Variants in CD82 observed in about 807,000 individuals in gnomAD.
CD82 encodes CD82 antigen.
CD82 carries 36 observed loss-of-function variants against 37.4 expected under a neutral mutation model. That is an observed-to-expected ratio of 0.96 (90% CI 0.74 to 1.27). CD82 has a LOEUF of 1.27. Ranked by LOEUF, CD82 falls within the 50% of genes most tolerant of loss-of-function variation. The pLI is 0.00. For missense variants in CD82, 340 were observed against 347.0 expected (o/e 0.98, Z 0.16); for synonymous variants, 158 against 137.4 (o/e 1.15, Z -1.05).
chr11:44,600,257 C>T (rs371613857), intron 4 of CD82, 27 bp downstream of exon 4: 1 of 1,609,754 alleles, frequency 6.2e-7, no homozygotes, highest in Non-Finnish European at 8.5e-7. Flanking sequence ...TTCCCCAGAC[C>T]CAGGCCCACT....
chr11:44,600,317 G>T, intron 4 of CD82, 87 bp downstream of exon 4: 1 of 1,249,256 alleles, frequency 8.0e-7, no homozygotes, highest in Non-Finnish European at 1.2e-6. Flanking sequence ...TAAGTGCTTC[G>T]GCTTCAATGC....
rs1220059854 is a variant in CD82, at chr11:44,597,746, G to A, written c.64-2412G>A. On this transcript the variant is annotated intron_variant, in intron 3 of 9. Transcript: ENST00000227155. The surrounding 1 kb of genome is among the most constrained non-coding windows in gnomAD (Gnocchi z 4.1). ...TGAATGTGGGAGGGAATGGGGCAGG[G>A]GCTCTGCCCACATGGGTCTGAGATG... 3.3e-5 allele frequency among the ~76,000 whole-genome samples: 5 copies of A among 152,230 alleles called. No homozygotes were observed. Among genetic ancestry groups the A allele is most frequent in the African/African-American group, 9.6e-5 (4 of 41,456 alleles).
chr11:44,596,417 G>A (rs894176946), intron 3 of CD82, among the ~76,000 whole-genome samples: 5 of 152,264 alleles, frequency 3.3e-5, no homozygotes, highest in Admixed American at 1.3e-4. Flanking sequence ...AGGAGATCAC[G>A]GAGCTTGGGT....
chr11:44,591,293 G>A (rs1448094600), intron 2 of CD82, among the ~76,000 whole-genome samples: 1 of 152,156 alleles, frequency 6.6e-6, no homozygotes, highest in Non-Finnish European at 1.5e-5. Context: ...CCTTGGGCAG[G>A]CTCCTTCTCC....
At chr11:44,594,290 C>T (rs1853188435) in intron 2 of CD82, among the ~76,000 whole-genome samples, 1 of 152,122 alleles carries the variant, frequency 6.6e-6, no homozygotes, top group Non-Finnish European at 1.5e-5. Flanking sequence ...TCACTAACTT[C>T]CCGGCCCCCT....
At chr11:44,593,148 G>C (rs1853169793) in intron 2 of CD82, among the ~76,000 whole-genome samples, 2 of 152,242 alleles carry the variant, frequency 1.3e-5, no homozygotes, top group Non-Finnish European at 2.9e-5. Context: ...TTGACAAGGA[G>C]GATGGAAGAT....
intron 1 of CD82, chr11:44,585,147 T>A (rs984813687): frequency 2.2e-6 from 1 of 455,246 alleles, no homozygotes; most frequent in African/African-American, 2.0e-5. Flanking sequence ...CCCCAGCCCC[T>A]TACCCAGGAG....
chr11:44,612,981 G>A (rs1565094793), intron 6 of CD82, among the ~76,000 whole-genome samples: 1 of 152,118 alleles, frequency 6.6e-6, no homozygotes. Flanking sequence ...AGCCAGGGCT[G>A]CAGGTCCATC....
rs377184005 is a variant in CD82, at chr11:44,619,034, C to T, written c.727-15C>T. 1.2e-4 allele frequency: 201 copies of T among 1,612,294 alleles called. 1 individual carries two copies. Among genetic ancestry groups the T allele is most frequent in the Middle Eastern group, 6.6e-4 (4 of 6,060 alleles). On this transcript the variant is annotated splice_polypyrimidine_tract_variant and intron_variant, in intron 9 of 9. Transcript: ENST00000227155. ...GACACCCAGCCTCCCTCTGACTCTC[C>T]GCCTCTCCCCACAGCTCCTGGGGAT... is the stretch of plus-strand genomic sequence containing the variant.
upstream of CD82, chr11:44,565,637 C>T (rs562398194): frequency 6.6e-6 from 1 of 151,044 alleles, no homozygotes; most frequent in Non-Finnish European, 1.5e-5. Flanking sequence ...GGGAGGGGGC[C>T]GAGGAGTGAC....
chr11:44,611,163 G>A (rs1853475525), intron 6 of CD82, among the ~76,000 whole-genome samples: 2 of 152,130 alleles, frequency 1.3e-5, no homozygotes, highest in South Asian at 4.1e-4. Context: ...TAAACAAGGG[G>A]CCCTGCATTT....
chr11:44,600,835 C>G (rs2134666733), intron 4 of CD82, among the ~76,000 whole-genome samples: 1 of 152,352 alleles, frequency 6.6e-6, no homozygotes, highest in Middle Eastern at 3.4e-3. Flanking sequence ...AATGAAGAAA[C>G]AGAGGCTCAG....
intron 8 of CD82, 60 bp downstream of exon 8, chr11:44,618,425 T>C: frequency 6.9e-7 from 1 of 1,446,272 alleles, no homozygotes; most frequent in Non-Finnish European, 9.6e-7. Context: ...CCATCTGGGC[T>C]ACTGCTCAGC....
At chr11:44,582,619 C>T (rs1287976588) in intron 1 of CD82, among the ~76,000 whole-genome samples, 1 of 152,198 alleles carries the variant, frequency 6.6e-6, no homozygotes, top group Non-Finnish European at 1.5e-5. Context: ...CTATCATCTG[C>T]TTCATTATTC....
In CD82 at chr11:44,618,713, C is replaced by T; in HGVS notation, c.716C>T (p.Ala239Val). The change falls in exon 9 of 10, where the codon GCC (alanine) becomes GTC (valine). Residue 239 changes from alanine to valine, a missense_variant. Ala to Val is a moderately conservative substitution (Grantham distance 64). Transcript: ENST00000227155. ...GIILGVGVGVAIIELLGMVLS... is the reference protein window; with the variant it reads ...GIILGVGVGVVIIELLGMVLS... ...ATCCTCGGCGTGGGCGTGGGTGTGG[C>T]CATCATCGAGGTCTGAGCCCCCTCC... is the stretch of plus-strand genomic sequence containing the variant. The T allele has an allele frequency of 1.2e-6, 2 of 1,613,174 alleles. No individual in the cohort carries two copies. The highest frequency in any genetic ancestry group is 8.5e-7 in the Non-Finnish European group (1 of 1,179,512).
intron 1 of CD82, among the ~76,000 whole-genome samples, chr11:44,579,430 G>A (rs1852948957): frequency 6.6e-6 from 1 of 152,060 alleles, no homozygotes; most frequent in Non-Finnish European, 1.5e-5. Context: ...CTCACCGCAG[G>A]CTCCCCTAGA....
At chr11:44,584,146 A>G (rs1421306290) in intron 1 of CD82, among the ~76,000 whole-genome samples, 1 of 152,118 alleles carries the variant, frequency 6.6e-6, no homozygotes, top group Non-Finnish European at 1.5e-5. Flanking sequence ...CTGCTCCTCC[A>G]ACAATCCCAT....
intron 4 of CD82, 113 bp from the exon 5 acceptor site, chr11:44,604,945 G>A (rs1853366480): frequency 2.0e-6 from 3 of 1,476,304 alleles, no homozygotes; most frequent in Admixed American, 1.7e-5. Flanking sequence ...GGGGAATGCA[G>A]CTGACCCCAA....
rs71038809 is a variant in CD82 at position 44,598,400 on chromosome 11, A to AT, written c.64-1729dup. Among the ~76,000 whole-genome samples, 26 of 58,902 alleles carry AT rather than the reference A, an allele frequency of 4.4e-4. 3 individuals carry two copies. Among genetic ancestry groups the AT allele is most frequent in the Admixed American group, 1.4e-3 (5 of 3,550 alleles). 38.6% of individuals were successfully genotyped at this position (58,902 alleles called of 152,430 possible). The stretch of plus-strand genomic sequence containing the variant: ...CAGTTATCATGGATTTTTGGCCTTA[A>AT]TTTTTTTTTTTTTTTTTTTTTTTTT... On this transcript the variant is annotated intron_variant, in intron 3 of 9. Coordinates refer to ENST00000227155, the MANE Select transcript of CD82 (RefSeq NM_002231.4).
Sources: allele counts gnomAD v4.1 joint callset (sites outside exome capture counted in the v4.1 genomes callset), GRCh38; gene constraint gnomAD v4.1.1; non-coding constraint Gnocchi (gnomAD v3.1); transcripts MANE v1.5; gene names NCBI Gene and HGNC (gene_info 2026-07-23, HGNC 2026-07-21).